Variants in DZANK1 observed in about 807,000 individuals in gnomAD.
DZANK1 encodes double zinc ribbon and ankyrin repeat-containing protein 1.
A neutral mutation model predicts 94.5 loss-of-function variants in DZANK1; 91 were observed. The ratio of observed to expected loss-of-function variants is 0.96; its 90% CI spans 0.81 to 1.15. DZANK1 has a LOEUF of 1.15. Ranked by LOEUF, DZANK1 falls within the 50% of genes most tolerant of loss-of-function variation. DZANK1 has a pLI of 0.00. For missense variants in DZANK1, 903 were observed against 916.4 expected, an observed-to-expected ratio of 0.99 and a Z score of 0.19; for synonymous variants, 312 against 325.3, an observed-to-expected ratio of 0.96 and a Z score of 0.44.
intron 7 of DZANK1, among the ~76,000 whole-genome samples, chr20:18,446,210 G>A (rs1239512386): frequency 2.6e-5 from 4 of 152,054 alleles, no homozygotes; most frequent in African/African-American, 9.7e-5. Context: ...GGGCCTCTGC[G>A]CTTCGGCCTG....
intron 13 of DZANK1, 120 bp from the exon 14 acceptor site, chr20:18,398,746 ACTTT>A: frequency 1.0e-6 from 1 of 966,966 alleles, no homozygotes; most frequent in Non-Finnish European, 1.6e-6. Flanking sequence ...TTTGTGATGG[ACTTT>A]CCTTAGTGAA....
At chr20:18,394,193 C>T in intron 16 of DZANK1, 61 bp downstream of exon 16, 1 of 1,447,926 alleles carries the variant, frequency 6.9e-7, no homozygotes, top group Non-Finnish European at 9.5e-7. Flanking sequence ...CTCTGCTATA[C>T]CTGCCAAGTC....
intron 13 of DZANK1, among the ~76,000 whole-genome samples, chr20:18,402,368 T>C (rs2056732693): frequency 6.6e-6 from 1 of 152,072 alleles, no homozygotes; most frequent in Non-Finnish European, 1.5e-5. Flanking sequence ...ACGAGTGGGA[T>C]CAGGCATGTG....
At chr20:18,434,071 T>C (rs2058404864) in intron 8 of DZANK1, 1 of 223,902 alleles carries the variant, frequency 4.5e-6, no homozygotes, top group Non-Finnish European at 8.6e-6. Context: ...ACAATTACTA[T>C]GTGTCAATTA....
At chr20:18,402,703 A>C (rs2056750203) in intron 13 of DZANK1, among the ~76,000 whole-genome samples, 1 of 152,138 alleles carries the variant, frequency 6.6e-6, no homozygotes, top group Admixed American at 6.5e-5. Flanking sequence ...ACTTTTCAAT[A>C]AACTTTCACT....
intron 20 of DZANK1, 27 bp from the exon 21 acceptor site, chr20:18,384,591 T>A (rs1600681093): frequency 1.3e-6 from 2 of 1,564,094 alleles, no homozygotes; most frequent in Admixed American, 1.8e-5. Context: ...GAAACGGAGG[T>A]GCACTGAAGG....
At chr20:18,407,316 G>A (rs776912877) in intron 13 of DZANK1, among the ~76,000 whole-genome samples, 20 of 152,194 alleles carry the variant, frequency 1.3e-4, no homozygotes, top group South Asian at 2.1e-4. Context: ...ATCTCTTCCT[G>A]GTAGTCCAGA....
rs16979157 is a variant in DZANK1, at chr20:18,434,804, A to G, written c.748-1039T>C. 2.4e-3 allele frequency among the ~76,000 whole-genome samples: 361 copies of G among 152,304 alleles called. 5 individuals carry two copies. Among genetic ancestry groups the G allele is most frequent in the Admixed American group, 0.02 (304 of 15,304 alleles). Reference sequence around the variant, plus strand: ...GAAGTTTTGTGGCTGCTGATGGGCAAGGATCACTTGATTTAGAGCACTGTT... The same window carrying G: ...GAAGTTTTGTGGCTGCTGATGGGCAGGGATCACTTGATTTAGAGCACTGTT... On this transcript the variant is annotated intron_variant, in intron 8 of 20. Coordinates refer to ENST00000262547, the Ensembl canonical transcript of DZANK1.
At chr20:18,385,386 T>A (rs562580979) in intron 19 of DZANK1, among the ~76,000 whole-genome samples, 4 of 152,100 alleles carry the variant, frequency 2.6e-5, no homozygotes, top group Non-Finnish European at 5.9e-5. Flanking sequence ...TGTTCTAAAT[T>A]GCCTGCAAGA....
chr20:18,389,561 T>C (rs1302359711), intron 19 of DZANK1, 140 bp downstream of exon 19: 1 of 1,264,404 alleles, frequency 7.9e-7, no homozygotes, highest in Non-Finnish European at 1.1e-6. Flanking sequence ...TTAAGCCTCT[T>C]ATTAAAGCTG....
chr20:18,389,791 G>C, exon 19 of DZANK1: 2 of 1,613,922 alleles, frequency 1.2e-6, no homozygotes, highest in Non-Finnish European at 1.7e-6. Context: ...GGTTATGACG[G>C]GTCGATTGTC....
intron 7 of DZANK1, among the ~76,000 whole-genome samples, chr20:18,448,310 G>A (rs193207146): frequency 1.6e-4 from 25 of 152,272 alleles, no homozygotes; most frequent in Admixed American, 1.2e-3. Flanking sequence ...AAGTCACTTC[G>A]TTGACATATT....
intron 20 of DZANK1, 123 bp from the exon 21 acceptor site, chr20:18,384,687 C>G: frequency 9.3e-7 from 1 of 1,073,540 alleles, no homozygotes; most frequent in Non-Finnish European, 1.3e-6. Context: ...CCCCAAACCT[C>G]TCCCCAAGAG....
At chr20:18,385,939 A>C (rs763215044) in intron 19 of DZANK1, among the ~76,000 whole-genome samples, 29 of 152,196 alleles carry the variant, frequency 1.9e-4, no homozygotes, top group Non-Finnish European at 3.8e-4. Context: ...GGAGTGGGCA[A>C]CTGAAATGGA....
intron 15 of DZANK1, chr20:18,394,981 T>C (rs2056256121): frequency 2.4e-6 from 1 of 420,588 alleles, no homozygotes; most frequent in African/African-American, 2.0e-5. Context: ...CTGATCCCCC[T>C]GCACCCTCAC....
intron 7 of DZANK1, among the ~76,000 whole-genome samples, chr20:18,447,861 C>CA (rs1479211212): frequency 6.6e-6 from 1 of 152,106 alleles, no homozygotes; most frequent in African/African-American, 2.4e-5. Context: ...TAAAATGGAA[C>CA]AATCACTTTG....
chr20:18,461,600 CTTTT>C (rs71194239), intron 2 of DZANK1, among the ~76,000 whole-genome samples: 2 of 138,376 alleles, frequency 1.4e-5, no homozygotes, highest in African/African-American at 2.7e-5. Flanking sequence ...CATTTGTAAT[CTTTT>C]TTTTTTTTTT....
chr20:18,440,222 G>C lies in DZANK1; in HGVS notation c.747+3125C>G, dbSNP rs543329047. On this transcript the variant is annotated intron_variant, in intron 8 of 20. Coordinates refer to ENST00000262547, the Ensembl canonical transcript of DZANK1. ...TTCTTTAAGCCACACAGTCTGTGGG[G>C]TTTTGCTGTGGCAACCTTAGCAAAC... Among the ~76,000 whole-genome samples the C allele has an allele frequency of 2.6e-5, 4 of 152,284 alleles. No individual in the cohort carries two copies. In the South Asian group the frequency reaches 8.3e-4, roughly 32 times the overall value.
intron 13 of DZANK1, among the ~76,000 whole-genome samples, chr20:18,409,196 G>A (rs1401698240): frequency 6.6e-6 from 1 of 151,900 alleles, no homozygotes; most frequent in East Asian, 1.9e-4. Flanking sequence ...TTAAAAAGAA[G>A]CTCAACAAGT....
Sources: gnomAD v4.1 joint callset for allele counts (sites outside exome capture counted in the v4.1 genomes callset) on GRCh38, gnomAD v4.1.1 for gene constraint, MANE v1.5 for transcripts, NCBI Gene and HGNC (gene_info 2026-07-23, HGNC 2026-07-21) for gene names.